Variants in TAF1B observed in about 807,000 individuals in gnomAD.
TAF1B encodes the protein TATA box-binding protein-associated factor RNA polymerase I subunit B.
Under a neutral mutation model 83.9 loss-of-function variants are expected in TAF1B, and 61 were observed. The ratio of observed to expected loss-of-function variants is 0.73; its 90% CI spans 0.59 to 0.90. The LOEUF (loss-of-function observed/expected upper bound fraction) is 0.90. TAF1B is among the 40% of genes least tolerant of loss of function. The pLI is 0.00. For missense variants in TAF1B, 625 were observed against 677.0 expected (o/e 0.92, Z 0.85); for synonymous variants, 221 against 224.6 (o/e 0.98, Z 0.14).
chr2:9,916,834 G>GTTGTTTT (rs1572282272), intron 12 of TAF1B, among the ~76,000 whole-genome samples: 3 of 44,868 alleles, frequency 6.7e-5, no homozygotes, highest in African/African-American at 1.4e-4. Flanking sequence ...TTTCCTTTCT[G>GTTGTTTT]TTCTTTTTTT....
At position 9,844,751 on chromosome 2, in the gene TAF1B, G is replaced by C. The variant is rs185668551; in HGVS notation, c.19-469G>C. Among the ~76,000 whole-genome samples, 5 of 152,282 alleles carry C rather than the reference G, an allele frequency of 3.3e-5. No individual in the cohort carries two copies. The East Asian group carries it at 9.6e-4, about 29-fold the overall frequency. ...TTGAATCCCCAGCACCTAGTAAAAAGCCTGGTACACACATAGTTGATACCC... is the reference window on the plus strand; with the variant it reads ...TTGAATCCCCAGCACCTAGTAAAAACCCTGGTACACACATAGTTGATACCC... On this transcript the variant is annotated intron_variant, in intron 1 of 14. Coordinates refer to ENST00000263663, the MANE Select transcript of TAF1B (RefSeq NM_005680.3).
At chr2:9,871,008 C>T (rs1277792127) in intron 6 of TAF1B, among the ~76,000 whole-genome samples, 1 of 152,112 alleles carries the variant, frequency 6.6e-6, no homozygotes, top group African/African-American at 2.4e-5. Context: ...TCCCTGGAGC[C>T]TCTGATCTGC....
chr2:9,904,837 G>T, intron 8 of TAF1B, 22 bp from the exon 9 acceptor site: 1 of 1,600,968 alleles, frequency 6.2e-7, no homozygotes, highest in South Asian at 1.1e-5. Context: ...TTGCAACTAT[G>T]ATGGTCTCTC....
rs552290999 is a variant in TAF1B at position 9,872,714 on chromosome 2, A to G, written c.554-3151A>G. 1.2e-4 allele frequency among the ~76,000 whole-genome samples: 18 copies of G among 152,342 alleles called. No individual in the cohort carries two copies. The South Asian group carries it at 2.9e-3, about 25-fold the overall frequency. ...TGCCACCTTAACTGGAAGTCCTTACATATTATAAGGAATATACAAAAAATT... is the reference window on the plus strand; with the variant it reads ...TGCCACCTTAACTGGAAGTCCTTACGTATTATAAGGAATATACAAAAAATT... On this transcript the variant is annotated intron_variant, in intron 6 of 14. Transcript: ENST00000263663.
Position 9,914,832 on chromosome 2 carries a change from T to C in TAF1B, c.1271+1583T>C, listed in dbSNP as rs940886592. ...CAGTGTGAGTCACTGCTGAGTAATA[T>C]GCGAAGCACTACCAACTGCTGCTCA... is the stretch of plus-strand genomic sequence containing the variant. On this transcript the variant is annotated intron_variant, in intron 12 of 14. Transcript: ENST00000263663. The surrounding 1 kb of genome is among the most constrained non-coding windows in gnomAD (Gnocchi z 4.3). 6.6e-6 allele frequency among the ~76,000 whole-genome samples: 1 copy of C among 152,138 alleles called. No individual in the cohort carries two copies. Among genetic ancestry groups the C allele is most frequent in the South Asian group, 2.1e-4 (1 of 4,816 alleles).
chr2:9,927,710 A>T (rs1319943656), intron 14 of TAF1B, among the ~76,000 whole-genome samples: 5 of 151,874 alleles, frequency 3.3e-5, no homozygotes, highest in African/African-American at 1.2e-4. Flanking sequence ...TCACTTTTTG[A>T]TGGGGTTGTT....
Position 9,919,675 on chromosome 2 carries a change from A to G in TAF1B, c.1420A>G (p.Ser474Gly). ...TATAGKKSPS[S>G]FQFNWTEEDT... ...AACTGCTGGAAAAAAAAGCCCTTCA[A>G]GTTTTCAGTTCAACTGGACTGAAGA... Residue 474 changes from serine to glycine, a missense_variant, in exon 14 of 15, where the codon AGT becomes GGT. Physicochemically the swap from Ser to Gly is moderately conservative, Grantham distance 56 (BLOSUM62 0). Coordinates refer to ENST00000263663, the MANE Select transcript of TAF1B (RefSeq NM_005680.3). The G allele has an allele frequency of 1.9e-6, 3 of 1,614,182 alleles. No individual in the cohort carries two copies. The highest frequency in any genetic ancestry group is 1.1e-5 in the South Asian group (1 of 91,078).
chr2:9,922,621 C>T (rs1315883901), intron 14 of TAF1B, among the ~76,000 whole-genome samples: 1 of 151,922 alleles, frequency 6.6e-6, no homozygotes, highest in Non-Finnish European at 1.5e-5. Flanking sequence ...GTTTTCATCA[C>T]TATTTAATAG....
chr2:9,871,466 C>T (rs1664166295), intron 6 of TAF1B, among the ~76,000 whole-genome samples: 1 of 152,064 alleles, frequency 6.6e-6, no homozygotes, highest in Non-Finnish European at 1.5e-5. Context: ...TTTCTTCTTT[C>T]CTGGATTACC....
intron 12 of TAF1B, among the ~76,000 whole-genome samples, chr2:9,917,721 G>C (rs915786725): frequency 6.6e-5 from 10 of 152,190 alleles, no homozygotes; most frequent in African/African-American, 2.4e-4. Context: ...GGATGGCTGA[G>C]ACAGTCTCTG....
rs150986511 is a variant in TAF1B, at chr2:9,919,603, G to A, written c.1348G>A (p.Val450Met). The A allele has an allele frequency of 3.3e-4, 526 of 1,613,010 alleles. 1 individual carries two copies. Among genetic ancestry groups the A allele is most frequent in the Non-Finnish European group, 3.9e-4 (465 of 1,179,408 alleles). Reference protein sequence around the residue: ...KPVAYKKREMVVNLQKQFSTL... With the variant: ...KPVAYKKREMMVNLQKQFSTL... Reference sequence around the variant, plus strand: ...CTTTTTTTCTCCGGTTCCAGAAATGGTGGTGAATCTACAGAAACAATTTAG... The same window carrying A: ...CTTTTTTTCTCCGGTTCCAGAAATGATGGTGAATCTACAGAAACAATTTAG... Residue 450 changes from valine to methionine, a missense_variant, in exon 14 of 15, where the codon GTG (valine) becomes ATG (methionine). By Grantham distance (21) the Val-to-Met change is conservative. Coordinates refer to ENST00000263663, the MANE Select transcript of TAF1B (RefSeq NM_005680.3).
In TAF1B at chr2:9,905,081, A is replaced by G; in HGVS notation, c.955+75A>G. Reference sequence around the variant, plus strand: ...ATAAGCAGAGTATAGAATCTTTTCAAATCACAGACTATTAGAACCACCTGA... The same window carrying G: ...ATAAGCAGAGTATAGAATCTTTTCAGATCACAGACTATTAGAACCACCTGA... On this transcript the variant is annotated intron_variant, in intron 9 of 14. Coordinates refer to ENST00000263663, the MANE Select transcript of TAF1B (RefSeq NM_005680.3). 4 of 1,357,378 alleles carry G rather than the reference A, an allele frequency of 2.9e-6. No individual in the cohort carries two copies. In the South Asian group the frequency reaches 5.4e-5, roughly 18 times the overall value. 84.1% of individuals were successfully genotyped at this position (1,357,378 alleles called of 1,614,324 possible).
chr2:9,900,756 A>G (rs1265680582), intron 8 of TAF1B, among the ~76,000 whole-genome samples: 1 of 152,138 alleles, frequency 6.6e-6, no homozygotes, highest in African/African-American at 2.4e-5. Context: ...GGTGTCAAGG[A>G]TGTTCCTAAA....
rs1385769771 is a variant in TAF1B, at chr2:9,914,686, A to G, written c.1271+1437A>G. 4.6e-5 allele frequency among the ~76,000 whole-genome samples: 7 copies of G among 152,242 alleles called. No homozygotes were observed. The highest frequency in any genetic ancestry group is 8.8e-5 in the Non-Finnish European group (6 of 68,044). The stretch of plus-strand genomic sequence containing the variant: ...AATAATTTATTGGCCAAAGAAAGTA[A>G]GTCTGGTTATAAAATGGCACTTTCC... On this transcript the variant is annotated intron_variant, in intron 12 of 14. Transcript: ENST00000263663. The surrounding 1 kb of genome is among the most constrained non-coding windows in gnomAD (Gnocchi z 4.3).
intron 5 of TAF1B, 41 bp from the exon 6 acceptor site, chr2:9,868,235 A>G: frequency 1.9e-6 from 3 of 1,604,798 alleles, no homozygotes; most frequent in Non-Finnish European, 2.6e-6. Context: ...ACTGTTTAAA[A>G]CTGTTACACA....
intron 2 of TAF1B, among the ~76,000 whole-genome samples, chr2:9,848,380 A>G (rs1267702848): frequency 2.0e-5 from 3 of 152,138 alleles, no homozygotes; most frequent in Non-Finnish European, 4.4e-5. Flanking sequence ...AGACTCAATA[A>G]TGGGGGCTGG....
chr2:9,887,089 A>G (rs901318451), intron 8 of TAF1B, among the ~76,000 whole-genome samples: 1 of 152,086 alleles, frequency 6.6e-6, no homozygotes, highest in Admixed American at 6.5e-5. Context: ...TATATTGCCC[A>G]CCTATGGGGA....
intron 8 of TAF1B, among the ~76,000 whole-genome samples, chr2:9,893,533 C>T (rs532120130): frequency 1.3e-5 from 2 of 152,226 alleles, no homozygotes; most frequent in South Asian, 4.1e-4. Context: ...GTGTGAAAGG[C>T]AAAGCTCAGG....
At chr2:9,868,097 A>G (rs988625439) in intron 5 of TAF1B, among the ~76,000 whole-genome samples, 179 bp from the exon 6 acceptor site, 2 of 152,232 alleles carry the variant, frequency 1.3e-5, no homozygotes, top group Admixed American at 6.5e-5. Context: ...CTCCTCTCCA[A>G]GAAGCACTGC....
Sources: gnomAD v4.1 joint callset for allele counts (sites outside exome capture counted in the v4.1 genomes callset) on GRCh38, gnomAD v4.1.1 for gene constraint, Gnocchi (gnomAD v3.1) non-coding constraint, MANE v1.5 for transcripts, NCBI Gene and HGNC (gene_info 2026-07-23, HGNC 2026-07-21) for gene names.